Variants in SCFD2 observed in about 807,000 individuals in gnomAD.
SCFD2 encodes the protein sec1 family domain-containing protein 2.
A neutral mutation model predicts 58.9 loss-of-function variants in SCFD2; 54 were observed. The observed-to-expected ratio is 0.92, with a 90% confidence interval of 0.74 to 1.15. The LOEUF is 1.15. SCFD2 is among the 50% of genes most tolerant of loss of function. The pLI is 0.00. For missense variants in SCFD2, 805 were observed against 836.6 expected, an observed-to-expected ratio of 0.96 and a Z score of 0.47; for synonymous variants, 321 against 335.9, an observed-to-expected ratio of 0.96 and a Z score of 0.49.
intron 4 of SCFD2, among the ~76,000 whole-genome samples, chr4:53,155,027 C>G (rs1374048007): frequency 6.6e-6 from 1 of 152,172 alleles, no homozygotes; most frequent in Non-Finnish European, 1.5e-5. Flanking sequence ...CCAGTAAGAC[C>G]TTCCGAACAG....
chr4:53,343,423 T>C (rs1358183189), intron 2 of SCFD2, among the ~76,000 whole-genome samples: 4 of 152,128 alleles, frequency 2.6e-5, no homozygotes, highest in African/African-American at 7.2e-5. Flanking sequence ...AATCCCTGAA[T>C]AGACCAATAA....
intron 7 of SCFD2, among the ~76,000 whole-genome samples, chr4:52,886,515 A>T (rs1718745538): frequency 6.6e-6 from 1 of 152,244 alleles, no homozygotes; most frequent in African/African-American, 2.4e-5. Flanking sequence ...CTGCCTAGCC[A>T]CAGGCTAAGC....
chr4:52,960,130 T>C (rs1327320857), intron 5 of SCFD2, among the ~76,000 whole-genome samples: 1 of 152,132 alleles, frequency 6.6e-6, no homozygotes, highest in African/African-American at 2.4e-5. Flanking sequence ...CAACTTACCT[T>C]TTGGCCTATT....
intron 5 of SCFD2, among the ~76,000 whole-genome samples, chr4:52,970,942 C>G (rs1233400263): frequency 2.0e-5 from 3 of 152,196 alleles, no homozygotes; most frequent in Admixed American, 6.5e-5. Flanking sequence ...TCCAAAAGAC[C>G]TGCAGCTGAG....
At chr4:53,332,262 T>C (rs555406346) in intron 2 of SCFD2, among the ~76,000 whole-genome samples, 4 of 151,292 alleles carry the variant, frequency 2.6e-5, no homozygotes, top group Admixed American at 2.0e-4. Context: ...CCAGCATCAT[T>C]CTGATACCAA....
At chr4:52,953,427 C>T (rs957665714) in intron 5 of SCFD2, among the ~76,000 whole-genome samples, 1 of 152,178 alleles carries the variant, frequency 6.6e-6, no homozygotes, top group Admixed American at 6.5e-5. Flanking sequence ...AGTTCACAGA[C>T]AGCGCTGGAC....
intron 5 of SCFD2, among the ~76,000 whole-genome samples, chr4:52,952,877 C>A (rs1720633621): frequency 6.6e-6 from 1 of 152,182 alleles, no homozygotes; most frequent in South Asian, 2.1e-4. Flanking sequence ...CTGAACCATT[C>A]CCTGGGAAAG....
intron 4 of SCFD2, among the ~76,000 whole-genome samples, chr4:53,199,269 A>C (rs1229487089): frequency 6.6e-6 from 1 of 152,104 alleles, no homozygotes; most frequent in Non-Finnish European, 1.5e-5. Flanking sequence ...ATCTGTAGTC[A>C]GAAAGCACCC....
At position 53,041,209 on chromosome 4, in the gene SCFD2, C is replaced by CTGGGGATCTA. The variant is rs1355589145; in HGVS notation, c.1561+104123_1561+104124insTAGATCCCCA. Among the ~76,000 whole-genome samples the CTGGGGATCTA allele has an allele frequency of 3.9e-5, 6 of 152,256 alleles. No individual in the cohort carries two copies. In the East Asian group the frequency reaches 1.2e-3, roughly 29 times the overall value. On this transcript the variant is annotated intron_variant, in intron 5 of 8. Coordinates refer to ENST00000401642, the MANE Select transcript of SCFD2 (RefSeq NM_152540.4). ...CATCTGTGGGATCCCCAATGGCAGA[C>CTGGGGATCTA]GTTTGTTTCTAGAACTGATAGTGCT... is the stretch of plus-strand genomic sequence containing the variant.
chr4:53,214,051 A>G (rs1394150173), intron 4 of SCFD2, among the ~76,000 whole-genome samples: 1 of 152,066 alleles, frequency 6.6e-6, no homozygotes, highest in Non-Finnish European at 1.5e-5. Flanking sequence ...AATCCAGTCT[A>G]TCATTCATGG....
At chr4:53,322,208 T>G (rs1733044834) in intron 2 of SCFD2, among the ~76,000 whole-genome samples, 1 of 152,154 alleles carries the variant, frequency 6.6e-6, no homozygotes, top group African/African-American at 2.4e-5. Flanking sequence ...ATGAAGACCT[T>G]ACTGCAAGCT....
At chr4:53,084,363 A>G (rs555576562) in intron 5 of SCFD2, among the ~76,000 whole-genome samples, 1 of 152,248 alleles carries the variant, frequency 6.6e-6, no homozygotes, top group African/African-American at 2.4e-5. Flanking sequence ...CCCACAGGCA[A>G]TGAGATCTTA....
chr4:52,958,522 C>T (rs534998163), intron 5 of SCFD2, among the ~76,000 whole-genome samples: 2 of 152,274 alleles, frequency 1.3e-5, no homozygotes, highest in African/African-American at 4.8e-5. Context: ...CCTTTCATTA[C>T]GGTTTCACCC....
In SCFD2 at chr4:53,047,205, T is replaced by C. The variant is rs560420412; in HGVS notation, c.1561+98128A>G. Among the ~76,000 whole-genome samples, 4 of 152,180 alleles carry C rather than the reference T, an allele frequency of 2.6e-5. No homozygotes were observed. The South Asian group carries it at 8.3e-4, about 32-fold the overall frequency. ...CTGATAACCTATAATCCCAGCACTTTGAGAGGCTGAGGCAGGAGGACTGCT... is the reference window on the plus strand; with the variant it reads ...CTGATAACCTATAATCCCAGCACTTCGAGAGGCTGAGGCAGGAGGACTGCT... On this transcript the variant is annotated intron_variant, in intron 5 of 8. Coordinates refer to ENST00000401642, the MANE Select transcript of SCFD2 (RefSeq NM_152540.4).
At chr4:52,930,138 T>G (rs764584816) in intron 5 of SCFD2, among the ~76,000 whole-genome samples, 2 of 152,124 alleles carry the variant, frequency 1.3e-5, no homozygotes, top group Non-Finnish European at 2.9e-5. Flanking sequence ...AACAGCATGG[T>G]ACTGGTACAA....
In SCFD2 at chr4:53,362,413, A is replaced by T. The variant is rs550419233; in HGVS notation, c.838+2691T>A. The stretch of plus-strand genomic sequence containing the variant: ...AGCAAGTAAATGATATGTCATAGTT[A>T]TGCTTTGAGGGATTATATAAGAAGC... On this transcript the variant is annotated intron_variant, in intron 1 of 8. Transcript: ENST00000401642. Among the ~76,000 whole-genome samples the T allele has an allele frequency of 4.6e-5, 7 of 152,354 alleles. No homozygotes were observed. In the South Asian group the frequency reaches 1.4e-3, roughly 32 times the overall value.
chr4:52,893,194 C>G (rs1164541850), intron 7 of SCFD2, among the ~76,000 whole-genome samples: 1 of 151,794 alleles, frequency 6.6e-6, no homozygotes, highest in Non-Finnish European at 1.5e-5. Flanking sequence ...GCTTTTTCTT[C>G]TCTCCTCTCC....
At position 52,892,634 on chromosome 4, in the gene SCFD2, C is replaced by T. The variant is rs535421811; in HGVS notation, c.1843-6768G>A. Among the ~76,000 whole-genome samples, 169 of 152,290 alleles carry T rather than the reference C, an allele frequency of 1.1e-3. 1 individual carries two copies. The Middle Eastern group carries it at 0.014, about 12-fold the overall frequency. ...GCTGGTCTGGCAAAATCCAACTCCCCTGGGAAGCTTTCTCTGACTCCCTGA... is the reference window on the plus strand; with the variant it reads ...GCTGGTCTGGCAAAATCCAACTCCCTTGGGAAGCTTTCTCTGACTCCCTGA... On this transcript the variant is annotated intron_variant, in intron 7 of 8. Transcript: ENST00000401642.
At chr4:53,353,166 C>G (rs1189396572) in intron 1 of SCFD2, among the ~76,000 whole-genome samples, 1 of 152,088 alleles carries the variant, frequency 6.6e-6, no homozygotes, top group Admixed American at 6.5e-5. Context: ...GAGTTTCTTC[C>G]TTCTGGTGGG....
Sources: allele counts gnomAD v4.1 joint callset (sites outside exome capture counted in the v4.1 genomes callset), GRCh38; gene constraint gnomAD v4.1.1; transcripts MANE v1.5; gene names NCBI Gene and HGNC (gene_info 2026-07-23, HGNC 2026-07-21).